RFX2: variants seen among roughly 807,000 people sequenced by gnomAD.
The protein encoded by RFX2 is regulatory factor X2, also known as DNA-binding protein RFX2.
A neutral mutation model predicts 87.8 loss-of-function variants in RFX2; 20 were observed. The ratio of observed to expected loss-of-function variants is 0.23; its 90% CI spans 0.16 to 0.33. The LOEUF (loss-of-function observed/expected upper bound fraction) is 0.33. Among genes scored for constraint, RFX2 ranks in the 10% least tolerant of loss-of-function variants. The pLI is 1.00. For missense variants in RFX2, 767 were observed against 1,012.3 expected, an observed-to-expected ratio of 0.76 and a Z score of 3.29; for synonymous variants, 397 against 431.3, an observed-to-expected ratio of 0.92 and a Z score of 0.98.
intron 1 of RFX2, among the ~76,000 whole-genome samples, chr19:6,048,789 G>C (rs930651651): frequency 2.0e-5 from 3 of 152,224 alleles, no homozygotes; most frequent in Non-Finnish European, 4.4e-5. Flanking sequence ...AAAGCAGAAA[G>C]GGATATGTGT....
At chr19:6,059,687 C>T in intron 1 of RFX2, among the ~76,000 whole-genome samples, 1 of 152,134 alleles carries the variant, frequency 6.6e-6, no homozygotes, top group South Asian at 2.1e-4. Context: ...CATGTATACA[C>T]TCCCCACGTA....
Position 6,013,140 on chromosome 19 carries a change from G to T in RFX2, c.780-35C>A. ...AAACATCCCAGGGTCAGCTCCCTTTGCAGATGTCCTGAACAACAAGACAGG... is the reference window on the plus strand; with the variant it reads ...AAACATCCCAGGGTCAGCTCCCTTTTCAGATGTCCTGAACAACAAGACAGG... On this transcript the variant is annotated intron_variant, in intron 7 of 17. Coordinates refer to ENST00000303657, the MANE Select transcript of RFX2 (RefSeq NM_000635.4). This position sits in a 1 kb window ranked among gnomAD's most constrained non-coding sequence, Gnocchi z 4.1. 1 of 1,550,098 alleles carries T rather than the reference G, an allele frequency of 6.5e-7. No individual in the cohort carries two copies. The highest frequency in any genetic ancestry group is 1.2e-5 in the South Asian group (1 of 82,320).
At position 6,074,049 on chromosome 19, in the gene RFX2, G is replaced by A. The variant is rs1001915917; in HGVS notation, c.-8-26545C>T. 2.6e-5 allele frequency among the ~76,000 whole-genome samples: 4 copies of A among 152,186 alleles called. No individual in the cohort carries two copies. The highest frequency in any genetic ancestry group is 4.1e-4 in the South Asian group (2 of 4,832). ...GGCCGGCCCTGGGTAGCAGGAACTC[G>A]TTCTGCCCCAGCTGAGGTTCTGGGC... On this transcript the variant is annotated intron_variant, in intron 1 of 17. Transcript: ENST00000303657. The surrounding 1 kb of genome is among the most constrained non-coding windows in gnomAD (Gnocchi z 5.2).
At position 6,039,788 on chromosome 19, in the gene RFX2, A is replaced by G. The variant is rs1021348801; in HGVS notation, c.522+192T>C. ...ATACCAATGGCCAACTGAAGTTCAA[A>G]GAACTCTGCAGGCCTGCCTATGGTT... On this transcript the variant is annotated intron_variant, in intron 5 of 17. Transcript: ENST00000303657. The surrounding 1 kb of genome is among the most constrained non-coding windows in gnomAD (Gnocchi z 5.2). 1.4e-4 allele frequency among the ~76,000 whole-genome samples: 21 copies of G among 152,244 alleles called. No homozygotes were observed. The highest frequency in any genetic ancestry group is 4.8e-4 in the African/African-American group (20 of 41,474).
chr19:6,042,226 G>A (rs1010022986), intron 3 of RFX2, 103 bp from the exon 4 acceptor site: 3 of 1,002,202 alleles, frequency 3.0e-6, no homozygotes, highest in Admixed American at 3.6e-5. Context: ...TGAACATTTA[G>A]TACCAAATGA....
intron 1 of RFX2, among the ~76,000 whole-genome samples, chr19:6,058,013 C>A (rs1193211198): frequency 6.6e-6 from 1 of 152,202 alleles, no homozygotes. Flanking sequence ...ATTCTCGAAC[C>A]CTCCTTGATG....
intron 17 of RFX2, 75 bp downstream of exon 17, chr19:5,995,526 T>A: frequency 7.1e-7 from 1 of 1,408,854 alleles, no homozygotes; most frequent in Non-Finnish European, 9.8e-7. Context: ...CATCATGAGA[T>A]GGGGCAGACA....
chr19:6,044,162 G>C lies in RFX2; in HGVS notation c.180+31C>G. On this transcript the variant is annotated intron_variant, in intron 3 of 17. Coordinates refer to ENST00000303657, the MANE Select transcript of RFX2 (RefSeq NM_000635.4). This position sits in a 1 kb window ranked among gnomAD's most constrained non-coding sequence, Gnocchi z 5.3. ...ATTGCTGAGTGCTAACTGCGCCCCG[G>C]TTTGCACGGTGCTGCGGTGCTTGTC... 7.3e-7 allele frequency: 1 copy of C among 1,363,190 alleles called. No individual in the cohort carries two copies. Among genetic ancestry groups the C allele is most frequent in the Non-Finnish European group, 9.7e-7 (1 of 1,033,348 alleles). The allele number at this position is 1,363,190 out of a possible 1,614,324, so 84.4% of individuals were successfully genotyped here.
chr19:6,039,884 C>T lies in RFX2; in HGVS notation c.522+96G>A. The T allele has an allele frequency of 7.2e-7, 1 of 1,395,770 alleles. No homozygotes were observed. The highest frequency in any genetic ancestry group is 9.5e-7 in the Non-Finnish European group (1 of 1,049,124). The allele number at this position is 1,395,770 out of a possible 1,614,324, so 86.5% of individuals were successfully genotyped here. A position where few individuals can be genotyped will look rare whatever the true frequency, so the allele number is the denominator to read the frequency against. ...GGGCCCAGAGCAGACGACAGCCCCT[C>T]CGGGCCTCCGGCTGCCTCTTACTCA... On this transcript the variant is annotated intron_variant, in intron 5 of 17. Coordinates refer to ENST00000303657, the MANE Select transcript of RFX2 (RefSeq NM_000635.4). This position sits in a 1 kb window ranked among gnomAD's most constrained non-coding sequence, Gnocchi z 5.2.
chr19:6,060,484 C>T (rs995947287), intron 1 of RFX2, among the ~76,000 whole-genome samples: 1 of 152,198 alleles, frequency 6.6e-6, no homozygotes, highest in African/African-American at 2.4e-5. Flanking sequence ...TCACATCACA[C>T]CCATTTGAGG....
chr19:6,086,569 A>G lies in RFX2; in HGVS notation c.-9+23824T>C, dbSNP rs140443699. 9.8e-5 allele frequency among the ~76,000 whole-genome samples: 15 copies of G among 152,366 alleles called. No individual in the cohort carries two copies. In the East Asian group the frequency reaches 2.1e-3, roughly 22 times the overall value. Reference sequence around the variant, plus strand: ...TCTGCTGTTGACGGAAATGTTATGCATGGCATGACTGCATTATAAGCAAAT... The same window carrying G: ...TCTGCTGTTGACGGAAATGTTATGCGTGGCATGACTGCATTATAAGCAAAT... On this transcript the variant is annotated intron_variant, in intron 1 of 17. Coordinates refer to ENST00000303657, the MANE Select transcript of RFX2 (RefSeq NM_000635.4).
In RFX2 at chr19:6,010,295, G is replaced by T; in HGVS notation, c.900-44C>A. ...TACCATCATGAGGCCCAGCAGCCCT[G>T]CTGCGGGTGGGCCCAAAGACTGGGG... On this transcript the variant is annotated intron_variant, in intron 8 of 17. Transcript: ENST00000303657. This position sits in a 1 kb window ranked among gnomAD's most constrained non-coding sequence, Gnocchi z 5.0. 1 of 1,331,054 alleles carries T rather than the reference G, an allele frequency of 7.5e-7. No individual in the cohort carries two copies. The highest frequency in any genetic ancestry group is 1.0e-6 in the Non-Finnish European group (1 of 955,012). The allele number at this position is 1,331,054 out of a possible 1,614,324, so 82.5% of individuals were successfully genotyped here. A position where few individuals can be genotyped will look rare whatever the true frequency, so the allele number is the denominator to read the frequency against.
chr19:6,058,463 A>T (rs1208771661), intron 1 of RFX2, among the ~76,000 whole-genome samples: 1 of 152,198 alleles, frequency 6.6e-6, no homozygotes, highest in Non-Finnish European at 1.5e-5. Flanking sequence ...CCAGGCAAGG[A>T]GTGTGAAATA....
At chr19:6,110,500 TGGC>T, upstream of RFX2, 1 of 154,294 alleles carries the variant, frequency 6.5e-6, no homozygotes, top group Non-Finnish European at 1.4e-5. The surrounding 1 kb of genome is among the most constrained non-coding windows in gnomAD (Gnocchi z 4.3). Flanking sequence ...ACAGTCTCTA[TGGC>T]GGCGGCGGTG....
intron 1 of RFX2, among the ~76,000 whole-genome samples, chr19:6,090,262 C>T (rs1452629983): frequency 6.6e-6 from 1 of 151,354 alleles, no homozygotes; most frequent in African/African-American, 2.4e-5. Flanking sequence ...GCCACCATGC[C>T]AGCCCAGATA....
rs142920226 is a variant in RFX2, at chr19:5,999,181, G to C, written c.1860-1968C>G. ...TGAGGCACGAGAAGTGCTTGAACCC[G>C]GGAAGGGGAGGTTGCAGTGAGCCGA... On this transcript the variant is annotated intron_variant, in intron 15 of 17. Coordinates refer to ENST00000303657, the MANE Select transcript of RFX2 (RefSeq NM_000635.4). The surrounding 1 kb of genome is among the most constrained non-coding windows in gnomAD (Gnocchi z 4.1). Among the ~76,000 whole-genome samples, 709 of 152,256 alleles carry C rather than the reference G, an allele frequency of 4.7e-3. 3 individuals carry two copies. The highest frequency in any genetic ancestry group is 8.9e-3 in the Non-Finnish European group (604 of 68,006).
At chr19:6,072,758 A>G (rs1186102164) in intron 1 of RFX2, 2 of 555,136 alleles carry the variant, frequency 3.6e-6, no homozygotes, top group African/African-American at 2.6e-5. Flanking sequence ...GAAAAAAGAG[A>G]AAAAAAAGGC....
At chr19:6,014,046 A>C (rs2086693375) in intron 7 of RFX2, among the ~76,000 whole-genome samples, 1 of 152,090 alleles carries the variant, frequency 6.6e-6, no homozygotes, top group Non-Finnish European at 1.5e-5. Flanking sequence ...TTATTACGGG[A>C]GAATGATGAT....
rs2086856708 is a variant in RFX2, at chr19:6,024,223, C to T, written c.597+1940G>A. The stretch of plus-strand genomic sequence containing the variant: ...GGGTTTGCGTTCAGGCTGAAGATGG[C>T]CTGATCCTTGCTGAATGGGGAATGG... On this transcript the variant is annotated intron_variant, in intron 6 of 17. Transcript: ENST00000303657. This position sits in a 1 kb window ranked among gnomAD's most constrained non-coding sequence, Gnocchi z 5.0. Among the ~76,000 whole-genome samples, 1 of 152,180 alleles carries T rather than the reference C, an allele frequency of 6.6e-6. No individual in the cohort carries two copies. The highest frequency in any genetic ancestry group is 2.1e-4 in the South Asian group (1 of 4,824).
Sources: allele counts gnomAD v4.1 joint callset (sites outside exome capture counted in the v4.1 genomes callset), GRCh38; gene constraint gnomAD v4.1.1; non-coding constraint Gnocchi (gnomAD v3.1); transcripts MANE v1.5; gene names NCBI Gene and HGNC (gene_info 2026-07-23, HGNC 2026-07-21).